Variants in MATN2 observed in about 807,000 individuals in gnomAD.
MATN2 encodes matrilin-2.
Under a neutral mutation model 103.2 loss-of-function variants are expected in MATN2, and 69 were observed. The observed-to-expected ratio is 0.67, with a 90% CI of 0.55 to 0.82. The LOEUF (loss-of-function observed/expected upper bound fraction) is 0.82, where lower values mean the gene tolerates loss of function less well. Ranked by LOEUF, MATN2 falls within the 40% of genes least tolerant of loss-of-function variation. The pLI is 0.00. For missense variants in MATN2, 1,023 were observed against 1,211.5 expected, an observed-to-expected ratio of 0.84 and a Z score of 2.31; for synonymous variants, 429 against 450.2, an observed-to-expected ratio of 0.95 and a Z score of 0.60.
At chr8:98,015,383 C>T (rs1295621415) in intron 10 of MATN2, among the ~76,000 whole-genome samples, 1 of 152,138 alleles carries the variant, frequency 6.6e-6, no homozygotes, top group African/African-American at 2.4e-5. Flanking sequence ...CAGATCTGAC[C>T]CCCACTGTGA....
chr8:97,909,710 A>C (rs1819299045), intron 2 of MATN2, among the ~76,000 whole-genome samples: 2 of 151,952 alleles, frequency 1.3e-5, no homozygotes, highest in African/African-American at 4.8e-5. Flanking sequence ...GGGGGCCTTT[A>C]GTGGGGCCAT....
At chr8:97,974,567 C>T (rs914330081) in intron 5 of MATN2, among the ~76,000 whole-genome samples, 4 of 152,126 alleles carry the variant, frequency 2.6e-5, no homozygotes, top group African/African-American at 9.7e-5. Context: ...CTGCTTCAGT[C>T]TCCTGAGTAA....
chr8:97,898,323 C>T (rs62521909), intron 2 of MATN2, among the ~76,000 whole-genome samples: 26 of 152,022 alleles, frequency 1.7e-4, no homozygotes, highest in Non-Finnish European at 3.1e-4. Flanking sequence ...CGGCCGGGTG[C>T]GGTGGCTCAT....
At chr8:97,884,811 C>T (rs1363566457) in intron 1 of MATN2, among the ~76,000 whole-genome samples, 1 of 152,116 alleles carries the variant, frequency 6.6e-6, no homozygotes, top group Admixed American at 6.5e-5. Context: ...GAATAGCTAA[C>T]ACTTAAATTC....
At chr8:97,932,014 T>C (rs540022837) in intron 3 of MATN2, among the ~76,000 whole-genome samples, 15 of 152,308 alleles carry the variant, frequency 9.8e-5, no homozygotes, top group Admixed American at 3.9e-4. Context: ...ACATTAAATA[T>C]ATAATTATAC....
intron 18 of MATN2, chr8:98,034,185 T>C (rs1205339966): frequency 2.2e-6 from 1 of 455,760 alleles, no homozygotes; most frequent in Non-Finnish European, 4.4e-6. Context: ...AGAGATCTTC[T>C]CTATCGGCAC....
chr8:97,937,403 G>A (rs1421968687), intron 3 of MATN2, among the ~76,000 whole-genome samples: 1 of 152,076 alleles, frequency 6.6e-6, no homozygotes, highest in Non-Finnish European at 1.5e-5. Context: ...CTTGTTCGAG[G>A]TAGAGGGGAA....
At chr8:97,945,717 A>AAAATATATATATATAT (rs59472539) in intron 4 of MATN2, among the ~76,000 whole-genome samples, 38 of 121,830 alleles carry the variant, frequency 3.1e-4, no homozygotes, top group African/African-American at 1.1e-3. Context: ...AAAAAAAAAA[A>AAAATATATATATATAT]ATATATATAT....
intron 3 of MATN2, among the ~76,000 whole-genome samples, chr8:97,935,198 A>G (rs143599710): frequency 6.6e-6 from 1 of 152,286 alleles, no homozygotes; most frequent in East Asian, 1.9e-4. Flanking sequence ...AGCTGGGACT[A>G]CATGTCACTA....
At chr8:97,967,318 G>A (rs1263419186) in intron 5 of MATN2, among the ~76,000 whole-genome samples, 2 of 151,716 alleles carry the variant, frequency 1.3e-5, no homozygotes, top group Non-Finnish European at 1.5e-5. Context: ...AAATACAATC[G>A]TGCCTTTGCA....
At chr8:97,918,323 C>A (rs1563666572) in intron 2 of MATN2, among the ~76,000 whole-genome samples, 1 of 152,180 alleles carries the variant, frequency 6.6e-6, no homozygotes, top group Non-Finnish European at 1.5e-5. Flanking sequence ...ACAGCACTAA[C>A]CATTGTATTT....
rs1813032069 is a variant in MATN2 at position 98,007,997 on chromosome 8, A to G, written c.1573+396A>G. ...ACATGCTGTTGCATTCAGGGGACAG[A>G]TGAGGAAAAACTGTAGCTCAGATTA... On this transcript the variant is annotated intron_variant, in intron 10 of 18. Transcript: ENST00000254898. This position sits in a 1 kb window ranked among gnomAD's most constrained non-coding sequence, Gnocchi z 4.2. Among the ~76,000 whole-genome samples, 1 of 152,216 alleles carries G rather than the reference A, an allele frequency of 6.6e-6. No individual in the cohort carries two copies. Among genetic ancestry groups the G allele is most frequent in the Non-Finnish European group, 1.5e-5 (1 of 68,044 alleles).
chr8:97,890,004 T>C (rs548393409), intron 2 of MATN2, among the ~76,000 whole-genome samples: 1 of 152,294 alleles, frequency 6.6e-6, no homozygotes, highest in East Asian at 1.9e-4. Context: ...GCATCCAGCA[T>C]TGATTCCTTC....
intron 1 of MATN2, among the ~76,000 whole-genome samples, chr8:97,881,469 C>T (rs1000987442): frequency 3.3e-5 from 5 of 152,202 alleles, no homozygotes; most frequent in East Asian, 1.9e-4. Flanking sequence ...TCTTCCCCCA[C>T]CCCCTTGGTG....
At chr8:97,985,496 C>A (rs997916362) in intron 6 of MATN2, among the ~76,000 whole-genome samples, 1 of 152,262 alleles carries the variant, frequency 6.6e-6, no homozygotes, top group South Asian at 2.1e-4. Context: ...TGATTATGTT[C>A]TTCTCCAAAT....
intron 6 of MATN2, among the ~76,000 whole-genome samples, chr8:97,987,578 A>C (rs1812236301): frequency 6.6e-6 from 1 of 152,204 alleles, no homozygotes; most frequent in Non-Finnish European, 1.5e-5. Flanking sequence ...ATCCAATTAT[A>C]TATATCTAAT....
rs751566284 is a variant in MATN2 at position 98,027,859 on chromosome 8, C to T, written c.2356+30C>T. 2.0e-6 allele frequency: 3 copies of T among 1,518,062 alleles called. No homozygotes were observed. The East Asian group carries it at 6.8e-5, about 35-fold the overall frequency. 94.0% of individuals were successfully genotyped at this position (1,518,062 alleles called of 1,614,324 possible). On this transcript the variant is annotated intron_variant, in intron 14 of 18. Transcript: ENST00000254898. The stretch of plus-strand genomic sequence containing the variant: ...TATGGGGTGGAGGTGCGGTTTACAC[C>T]ACTCAAGGTTCAGGTTTCTTAAACT...
At position 97,931,182 on chromosome 8, in the gene MATN2, C is replaced by G. The variant is rs1285396901; in HGVS notation, c.372C>G (p.Val124=). 6.2e-7 allele frequency: 1 copy of G among 1,613,254 alleles called. No individual in the cohort carries two copies. Among genetic ancestry groups the G allele is most frequent in the Admixed American group, 1.7e-5 (1 of 59,996 alleles). The change falls in exon 3 of 19, where the codon GTC becomes GTG. Residue 124 remains valine (V), a synonymous_variant. Coordinates refer to ENST00000254898, the MANE Select transcript of MATN2 (RefSeq NM_002380.5). This position sits in a 1 kb window ranked among gnomAD's most constrained non-coding sequence, Gnocchi z 4.1. The part of the protein sequence containing the change: ...FKRKSEVERA[V]KRMRHLSTGT... Reference sequence around the variant, plus strand: ...GGAAGTCCGAGGTGGAGCGTGCTGTCAAGAGGATGCGGCATCTGTCCACGG... The same window carrying G: ...GGAAGTCCGAGGTGGAGCGTGCTGTGAAGAGGATGCGGCATCTGTCCACGG...
At chr8:98,030,379 G>A in intron 14 of MATN2, 83 bp from the exon 15 acceptor site, 1 of 1,041,196 alleles carries the variant, frequency 9.6e-7, no homozygotes, top group Non-Finnish European at 1.4e-6. Flanking sequence ...ACATCTAACT[G>A]GCTTTGGGTG....
Sources: gnomAD v4.1 joint callset for allele counts (sites outside exome capture counted in the v4.1 genomes callset) on GRCh38, gnomAD v4.1.1 for gene constraint, Gnocchi (gnomAD v3.1) non-coding constraint, MANE v1.5 for transcripts, NCBI Gene and HGNC (gene_info 2026-07-23, HGNC 2026-07-21) for gene names.